TSC1: variants seen among roughly 807,000 people sequenced by gnomAD.
TSC1 encodes TSC complex subunit 1, also known as hamartin.
A neutral mutation model predicts 124.3 loss-of-function variants in TSC1; 20 were observed. The observed-to-expected ratio is 0.16, with a 90% CI of 0.11 to 0.23. TSC1 has a LOEUF of 0.23. TSC1 is among the 10% of genes least tolerant of loss of function. The pLI, the probability that TSC1 is intolerant of heterozygous loss-of-function variation, is 1.00. For missense variants in TSC1, 1,124 were observed against 1,448.5 expected, an observed-to-expected ratio of 0.78 and a Z score of 3.64; for synonymous variants, 493 against 539.1, an observed-to-expected ratio of 0.91 and a Z score of 1.19.
chr9:132,910,420 G>A (rs757535215), intron 12 of TSC1, 151 bp downstream of exon 12: 1 of 1,432,022 alleles, frequency 7.0e-7, no homozygotes, highest in Non-Finnish European at 9.7e-7. Context: ...CACCTTGAGA[G>A]CAGCTTGTTA....
At chr9:132,930,314 C>A (rs1847133246) in intron 2 of TSC1, among the ~76,000 whole-genome samples, 1 of 152,122 alleles carries the variant, frequency 6.6e-6, no homozygotes, top group African/African-American at 2.4e-5. Flanking sequence ...TGAGGCCAGG[C>A]ATGGTGGCTC....
rs1200913761 is a variant in TSC1 at position 132,892,603 on chromosome 9, C to T, written c.*3632G>A. On this transcript the variant is annotated 3_prime_UTR_variant, in exon 23 of 23. Transcript: ENST00000298552. ...CGGGTCTTCGCTCTGCCCAAACCCT[C>T]CTCCAGCCTGTGCAGGCCTCCTCCC... The T allele has an allele frequency of 4.3e-6, 1 of 233,294 alleles. No homozygotes were observed. The highest frequency in any genetic ancestry group is 2.2e-5 in the African/African-American group (1 of 45,354). The allele number at this position is 233,294 out of a possible 1,614,324, so 14.5% of individuals were successfully genotyped here. A position where few individuals can be genotyped will look rare whatever the true frequency, so the allele number is the denominator to read the frequency against.
chr9:132,941,659 T>A (rs1847744574), intron 1 of TSC1: 1 of 152,198 alleles, frequency 6.6e-6, no homozygotes, highest in South Asian at 2.1e-4. Flanking sequence ...ATTTATAATA[T>A]GGGAAACTTA....
intron 12 of TSC1, 174 bp downstream of exon 12, chr9:132,910,397 G>T: frequency 8.3e-7 from 1 of 1,210,540 alleles, no homozygotes; most frequent in Non-Finnish European, 1.2e-6. Context: ...ACCACCCAGG[G>T]GTCGGCAGAT....
At chr9:132,912,566 C>A (rs965017724) in intron 8 of TSC1, 109 bp from the exon 9 acceptor site, 9 of 1,280,772 alleles carry the variant, frequency 7.0e-6, no homozygotes, top group Non-Finnish European at 1.0e-5. Flanking sequence ...AAAGAACAAG[C>A]GGGACCATGC....
At position 132,896,669 on chromosome 9, in the gene TSC1, G is replaced by A. The variant is rs1845082934; in HGVS notation, c.3061C>T (p.Pro1021Ser). The A allele has an allele frequency of 6.2e-7, 1 of 1,614,126 alleles. No homozygotes were observed. Among genetic ancestry groups the A allele is most frequent in the Non-Finnish European group, 8.5e-7 (1 of 1,180,034 alleles). Residue 1021 changes from proline to serine, a missense_variant, in exon 23 of 23, where the codon CCC (proline) becomes TCC (serine). Around this residue, in one of 5 missense-constraint regions of TSC1, gnomAD observed 325 missense variants for 383.4 expected, o/e 0.85. Transcript: ENST00000298552. The surrounding 1 kb of genome is among the most constrained non-coding windows in gnomAD (Gnocchi z 4.5). ...ASGHNGETKTPRPSSARGSSG... is the reference protein window; with the variant it reads ...ASGHNGETKTSRPSSARGSSG... Reference sequence around the variant, plus strand: ...CTGCCCCGGGCGCTGCTGGGCCTGGGGGTCTTGGTCTCACCGTTGTGGCCA... The same window carrying A: ...CTGCCCCGGGCGCTGCTGGGCCTGGAGGTCTTGGTCTCACCGTTGTGGCCA...
rs2234980 is a variant in TSC1 at position 132,896,600 on chromosome 9, C to CGCT, written c.3127_3129dup (p.Ser1043dup). 788 of 1,613,460 alleles carry CGCT rather than the reference C, an allele frequency of 4.9e-4. No individual in the cohort carries two copies. Among genetic ancestry groups the CGCT allele is most frequent in the East Asian group, 4.6e-3 (206 of 44,866 alleles). On this transcript the variant is annotated inframe_insertion, in exon 23 of 23. Coordinates refer to ENST00000298552, the MANE Select transcript of TSC1 (RefSeq NM_000368.5). This position sits in a 1 kb window ranked among gnomAD's most constrained non-coding sequence, Gnocchi z 4.5. ...GGGGGTTTCTCTGGGGTAGAAAGCT[C>CGCT]GCTGCTGCTGCTGCTGCTGCCTCCA...
chr9:132,900,425 C>G (rs995021827), intron 20 of TSC1: 5 of 425,674 alleles, frequency 1.2e-5, no homozygotes, highest in African/African-American at 6.1e-5. Context: ...TTCTCTCTCC[C>G]TCTTTGAAAG....
chr9:132,925,253 GA>G (rs1375309338), intron 5 of TSC1, among the ~76,000 whole-genome samples: 7 of 152,256 alleles, frequency 4.6e-5, no homozygotes, highest in African/African-American at 1.7e-4. Context: ...AGATAATTTA[GA>G]AACAGGGATT....
Position 132,921,701 on chromosome 9 carries a change from G to T in TSC1, c.663+118C>A. Reference sequence around the variant, plus strand: ...GGCTGCCTAGGGATTGGAGTGGCGAGGAAGAAAACTGAATTTCTTTTCAAA... The same window carrying T: ...GGCTGCCTAGGGATTGGAGTGGCGATGAAGAAAACTGAATTTCTTTTCAAA... On this transcript the variant is annotated intron_variant, in intron 7 of 22. Coordinates refer to ENST00000298552, the MANE Select transcript of TSC1 (RefSeq NM_000368.5). This position sits in a 1 kb window ranked among gnomAD's most constrained non-coding sequence, Gnocchi z 4.3. 1.4e-6 allele frequency: 2 copies of T among 1,382,670 alleles called. No homozygotes were observed. The highest frequency in any genetic ancestry group is 2.0e-6 in the Non-Finnish European group (2 of 978,702). The allele number at this position is 1,382,670 out of a possible 1,614,324, so 85.7% of individuals were successfully genotyped here.
intron 8 of TSC1, among the ~76,000 whole-genome samples, chr9:132,913,129 A>C (rs1328667296): frequency 4.6e-5 from 7 of 151,818 alleles, no homozygotes; most frequent in Non-Finnish European, 1.0e-4. Flanking sequence ...ATGGGGTCTC[A>C]CTTTGTTGCT....
At chr9:132,919,549 A>T (rs1207674977) in intron 8 of TSC1, among the ~76,000 whole-genome samples, 1 of 152,230 alleles carries the variant, frequency 6.6e-6, no homozygotes, top group Non-Finnish European at 1.5e-5. Context: ...CAAATTACTG[A>T]ATGCCTTCAA....
At position 132,908,901 on chromosome 9, in the gene TSC1, C is replaced by CTTTTTTTTTTTTTTTTTTTT. The variant is rs35234317; in HGVS notation, c.1264-1532_1264-1531insAAAAAAAAAAAAAAAAAAAA. 2.1e-4 allele frequency among the ~76,000 whole-genome samples: 25 copies of CTTTTTTTTTTTTTTTTTTTT among 121,510 alleles called. 1 individual carries two copies. Among genetic ancestry groups the CTTTTTTTTTTTTTTTTTTTT allele is most frequent in the Middle Eastern group, 4.3e-3 (1 of 234 alleles). 79.7% of individuals were successfully genotyped at this position (121,510 alleles called of 152,430 possible). A position where few individuals can be genotyped will look rare whatever the true frequency, so the allele number is the denominator to read the frequency against. On this transcript the variant is annotated intron_variant, in intron 12 of 22. Coordinates refer to ENST00000298552, the MANE Select transcript of TSC1 (RefSeq NM_000368.5). The stretch of plus-strand genomic sequence containing the variant: ...TTAAAACCCACTAGTCTACCTTGCA[C>CTTTTTTTTTTTTTTTTTTTT]TTTTTTTTTTTTTTTTTGTGACAGT...
intron 3 of TSC1, 150 bp downstream of exon 3, chr9:132,928,617 A>G: frequency 1.1e-6 from 1 of 935,682 alleles, no homozygotes; most frequent in Non-Finnish European, 1.6e-6. Flanking sequence ...TCCATAATTG[A>G]AAGTTTAAAA....
chr9:132,901,083 CA>C (rs1845350807), intron 19 of TSC1, among the ~76,000 whole-genome samples: 1 of 152,160 alleles, frequency 6.6e-6, no homozygotes, highest in Non-Finnish European at 1.5e-5. Context: ...TGCAGTCCAT[CA>C]AACTGACCAC....
chr9:132,910,609 T>A lies in TSC1; in HGVS notation c.1225A>T (p.Ile409Phe), dbSNP rs2131940667. The change falls in exon 12 of 23, where the codon ATT becomes TTT. Residue 409 changes from isoleucine (I) to phenylalanine (F), a missense_variant. Around this residue, in one of 5 missense-constraint regions of TSC1, gnomAD observed 463 missense variants for 606.8 expected, o/e 0.76. Coordinates refer to ENST00000298552, the MANE Select transcript of TSC1 (RefSeq NM_000368.5). Reference protein sequence around the residue: ...PLCHSDDYVHISLPQATVTPP... With the variant: ...PLCHSDDYVHFSLPQATVTPP... ...GTGACTGTGGCCTGGGGGAGTGAAA[T>A]GTGCACGTAGTCATCCGAATGACAG... 1 of 1,613,788 alleles carries A rather than the reference T, an allele frequency of 6.2e-7. No individual in the cohort carries two copies. Among genetic ancestry groups the A allele is most frequent in the Non-Finnish European group, 8.5e-7 (1 of 1,179,974 alleles).
chr9:132,900,646 G>A, intron 20 of TSC1, 69 bp downstream of exon 20: 2 of 1,609,048 alleles, frequency 1.2e-6, no homozygotes, highest in Non-Finnish European at 1.7e-6. Context: ...TCTATGCCAT[G>A]CGGGAGACAT....
rs1845647074 is a variant in TSC1, at chr9:132,906,005, T to C, written c.1573A>G (p.Ser525Gly). The change falls in exon 15 of 23, where the codon AGT (serine) becomes GGT (glycine). Residue 525 changes from serine (S) to glycine (G), a missense_variant. This residue lies in a region of TSC1 where 321 missense variants were observed against 397.4 expected (regional missense o/e 0.81). Coordinates refer to ENST00000298552, the MANE Select transcript of TSC1 (RefSeq NM_000368.5). The surrounding 1 kb of genome is among the most constrained non-coding windows in gnomAD (Gnocchi z 4.1). ...GGGTTCACGCTGGCGCCCTGAGAAC[T>C]GGAGGCTGCCGAGTGGGTCTTCCGC... ...SQRKTHSAAS[S>G]SQGASVNPEP... The C allele has an allele frequency of 1.2e-6, 2 of 1,614,024 alleles. No homozygotes were observed. The highest frequency in any genetic ancestry group is 2.2e-5 in the South Asian group (2 of 91,064).
chr9:132,901,098 C>T (rs1234202780), intron 19 of TSC1, among the ~76,000 whole-genome samples: 1 of 152,152 alleles, frequency 6.6e-6, no homozygotes, highest in Non-Finnish European at 1.5e-5. Flanking sequence ...TGACCACCCA[C>T]AGAACACCTG....
Sources: allele counts gnomAD v4.1 joint callset (sites outside exome capture counted in the v4.1 genomes callset), GRCh38; gene constraint gnomAD v4.1.1; regional missense constraint gnomAD v4.1.1; non-coding constraint Gnocchi (gnomAD v3.1); transcripts MANE v1.5; gene names NCBI Gene and HGNC (gene_info 2026-07-23, HGNC 2026-07-21).